Variants in PRKCA observed in about 807,000 individuals in gnomAD.
PRKCA encodes the protein protein kinase C alpha.
A neutral mutation model predicts 87.0 loss-of-function variants in PRKCA; 27 were observed. The ratio of observed to expected loss-of-function variants is 0.31; its 90% confidence interval spans 0.23 to 0.43. The LOEUF (loss-of-function observed/expected upper bound fraction) is 0.43, where lower values mean the gene tolerates loss of function less well. PRKCA is among the 20% of genes least tolerant of loss of function. PRKCA has a pLI of 1.00. For synonymous variants in PRKCA, 329 were observed against 311.1 expected, an observed-to-expected ratio of 1.06 and a Z score of -0.61; for missense variants, 518 against 852.3, an observed-to-expected ratio of 0.61 and a Z score of 4.88.
intron 6 of PRKCA, 50 bp downstream of exon 6, chr17:66,687,317 G>T (rs750440012): frequency 1.9e-6 from 3 of 1,550,532 alleles, no homozygotes; most frequent in African/African-American, 1.4e-5. Flanking sequence ...CCATGCAGTT[G>T]CCCACCTCAT....
Position 66,689,936 on chromosome 17 carries a change from G to A in PRKCA, c.918+889G>A, listed in dbSNP as rs1044217044. On this transcript the variant is annotated intron_variant, in intron 8 of 16. Coordinates refer to ENST00000413366, the MANE Select transcript of PRKCA (RefSeq NM_002737.3). The surrounding 1 kb of genome is among the most constrained non-coding windows in gnomAD (Gnocchi z 4.1). ...ATTTCCCCGCTCTAGAGCAGTACACGTGCACACGCACACATGTGTGTAGAT... is the reference window on the plus strand; with the variant it reads ...ATTTCCCCGCTCTAGAGCAGTACACATGCACACGCACACATGTGTGTAGAT... 2.0e-5 allele frequency among the ~76,000 whole-genome samples: 3 copies of A among 152,132 alleles called. No individual in the cohort carries two copies. The highest frequency in any genetic ancestry group is 2.9e-5 in the Non-Finnish European group (2 of 68,042).
At chr17:66,692,438 A>G (rs1972810631) in intron 8 of PRKCA, among the ~76,000 whole-genome samples, 1 of 152,154 alleles carries the variant, frequency 6.6e-6, no homozygotes, top group South Asian at 2.1e-4. Context: ...CAGGGGTTCA[A>G]TCACGTAATG....
intron 5 of PRKCA, among the ~76,000 whole-genome samples, chr17:66,679,161 A>G (rs535837553): frequency 2.1e-5 from 3 of 142,894 alleles, no homozygotes; most frequent in Admixed American, 7.3e-5. Context: ...CCCTGAAGCT[A>G]CTACACTCAC....
chr17:66,764,407 A>T (rs1023082070), intron 13 of PRKCA, among the ~76,000 whole-genome samples: 2 of 152,180 alleles, frequency 1.3e-5, no homozygotes, highest in African/African-American at 4.8e-5. Context: ...CCTTGGAGTG[A>T]CATCCTTCCA....
At chr17:66,473,290 C>T (rs1915402934) in intron 2 of PRKCA, among the ~76,000 whole-genome samples, 1 of 152,310 alleles carries the variant, frequency 6.6e-6, no homozygotes, top group Admixed American at 6.5e-5. Flanking sequence ...CTCTGTGTTT[C>T]CCCAGTACCT....
At chr17:66,591,390 C>T (rs1272949532) in intron 3 of PRKCA, among the ~76,000 whole-genome samples, 2 of 151,814 alleles carry the variant, frequency 1.3e-5, no homozygotes, top group Non-Finnish European at 2.9e-5. Context: ...AACTCCCGGG[C>T]TCAAATGATC....
At chr17:66,552,307 C>G (rs1272422159) in intron 3 of PRKCA, among the ~76,000 whole-genome samples, 2 of 152,114 alleles carry the variant, frequency 1.3e-5, no homozygotes, top group Non-Finnish European at 2.9e-5. Flanking sequence ...CAAAACAAAA[C>G]AAAAAGATGT....
chr17:66,606,527 A>G (rs1017426004), intron 3 of PRKCA, among the ~76,000 whole-genome samples: 1 of 152,258 alleles, frequency 6.6e-6, no homozygotes, highest in Non-Finnish European at 1.5e-5. Context: ...GAGAGCTTAC[A>G]GTAGAGGGAA....
At chr17:66,724,921 A>G (rs892089091) in intron 8 of PRKCA, among the ~76,000 whole-genome samples, 2 of 152,258 alleles carry the variant, frequency 1.3e-5, no homozygotes, top group Admixed American at 1.3e-4. Context: ...CAAACAATAC[A>G]TTAAAAAGCT....
At chr17:66,493,105 T>C (rs1368484437) in intron 2 of PRKCA, among the ~76,000 whole-genome samples, 2 of 152,248 alleles carry the variant, frequency 1.3e-5, no homozygotes, top group Non-Finnish European at 2.9e-5. Context: ...TTTTTTAAAA[T>C]GTATATTTTT....
intron 16 of PRKCA, among the ~76,000 whole-genome samples, chr17:66,794,491 A>G (rs773762049): frequency 1.7e-4 from 25 of 151,372 alleles, no homozygotes; most frequent in African/African-American, 4.9e-4. Context: ...ATAATTTCCA[A>G]TTTCAGACTT....
At chr17:66,561,134 T>G (rs909492933) in intron 3 of PRKCA, among the ~76,000 whole-genome samples, 1 of 152,230 alleles carries the variant, frequency 6.6e-6, no homozygotes, top group Admixed American at 6.5e-5. Context: ...TTCTGAAGCC[T>G]GTTAAATTAC....
intron 3 of PRKCA, among the ~76,000 whole-genome samples, chr17:66,606,329 A>G (rs1970208559): frequency 6.6e-6 from 1 of 152,218 alleles, no homozygotes; most frequent in Non-Finnish European, 1.5e-5. Context: ...CAGAGATTGC[A>G]TGCAGTGAGC....
intron 2 of PRKCA, among the ~76,000 whole-genome samples, chr17:66,332,132 A>G (rs1345176342): frequency 1.3e-5 from 2 of 151,998 alleles, no homozygotes; most frequent in East Asian, 1.9e-4. Flanking sequence ...TACCTCTTGG[A>G]ATAGACCATG....
rs1044767239 is a variant in PRKCA at position 66,805,140 on chromosome 17, A to G, written c.*1103A>G. On this transcript the variant is annotated 3_prime_UTR_variant, in exon 17 of 17. Coordinates refer to ENST00000413366, the MANE Select transcript of PRKCA (RefSeq NM_002737.3). ...ATGTCCACTTAGGGATAAAAAGAAT[A>G]TGGTTTTGGTTCCCATTTCTAGTTC... 3 of 983,470 alleles carry G rather than the reference A, an allele frequency of 3.1e-6. No individual in the cohort carries two copies. The highest frequency in any genetic ancestry group is 3.6e-6 in the Non-Finnish European group (3 of 828,120). The allele number at this position is 983,470 out of a possible 1,614,324, so 60.9% of individuals were successfully genotyped here.
intron 8 of PRKCA, among the ~76,000 whole-genome samples, chr17:66,731,628 T>C (rs897317723): frequency 6.6e-6 from 1 of 152,066 alleles, no homozygotes; most frequent in Non-Finnish European, 1.5e-5. Context: ...CCCTTTTACC[T>C]TTTGCCTTTG....
At chr17:66,730,221 A>C (rs1295858111) in intron 8 of PRKCA, among the ~76,000 whole-genome samples, 1 of 152,146 alleles carries the variant, frequency 6.6e-6, no homozygotes, top group Non-Finnish European at 1.5e-5. Flanking sequence ...GCACTGTTAG[A>C]GTTGGGAATC....
intron 8 of PRKCA, among the ~76,000 whole-genome samples, chr17:66,694,175 A>G (rs558873501): frequency 6.6e-6 from 1 of 152,256 alleles, no homozygotes; most frequent in East Asian, 1.9e-4. Flanking sequence ...TACAAACTGA[A>G]AAGTAGGCAC....
chr17:66,575,355 G>A (rs149375734), intron 3 of PRKCA, among the ~76,000 whole-genome samples: 2,040 of 152,280 alleles, frequency 0.013, 18 homozygotes, highest in Non-Finnish European at 0.021. Context: ...GCGGTGGGCG[G>A]ATCACCTGAG....
Sources: allele counts gnomAD v4.1 joint callset (sites outside exome capture counted in the v4.1 genomes callset), GRCh38; gene constraint gnomAD v4.1.1; non-coding constraint Gnocchi (gnomAD v3.1); transcripts MANE v1.5; gene names NCBI Gene and HGNC (gene_info 2026-07-23, HGNC 2026-07-21).